Variants in RASGEF1C observed in about 807,000 individuals in gnomAD.
The protein encoded by RASGEF1C is ras-GEF domain-containing family member 1C.
A neutral mutation model predicts 58.1 loss-of-function variants in RASGEF1C; 27 were observed. The ratio of observed to expected loss-of-function variants is 0.46; its 90% CI spans 0.34 to 0.64. RASGEF1C has a LOEUF of 0.64. Among genes scored for constraint, RASGEF1C ranks in the 30% least tolerant of loss-of-function variants. RASGEF1C has a pLI of 0.01. For missense variants in RASGEF1C, 502 were observed against 605.1 expected, an observed-to-expected ratio of 0.83 and a Z score of 1.79; for synonymous variants, 243 against 246.3, an observed-to-expected ratio of 0.99 and a Z score of 0.13.
rs748536339 is a variant in RASGEF1C at position 180,137,990 on chromosome 5, G to T, written c.63C>A (p.Thr21=). 6.3e-7 allele frequency: 1 copy of T among 1,584,358 alleles called. No individual in the cohort carries two copies. The highest frequency in any genetic ancestry group is 1.9e-5 in the Admixed American group (1 of 51,824). The change falls in exon 2 of 14, where the codon ACC becomes ACA. Residue 21 remains threonine (T), a synonymous_variant. Transcript: ENST00000361132. This position sits in a 1 kb window ranked among gnomAD's most constrained non-coding sequence, Gnocchi z 4.1. ...VTPGSLSPPP[T]EPTDGEQAGQ... The stretch of plus-strand genomic sequence containing the variant: ...CAGCCTGTTCGCCATCTGTGGGCTC[G>T]GTGGGGGGTGGGCTGAGGCTGCCTG...
chr5:180,129,888 G>C (rs1378612909), intron 4 of RASGEF1C, among the ~76,000 whole-genome samples: 1 of 152,230 alleles, frequency 6.6e-6, no homozygotes, highest in Non-Finnish European at 1.5e-5. Context: ...CTTGGAAATA[G>C]GGGTTTCCGA....
rs1766882341 is a variant in RASGEF1C, at chr5:180,158,311, T to A, written c.-6-20253A>T. 6.6e-6 allele frequency among the ~76,000 whole-genome samples: 1 copy of A among 152,162 alleles called. No individual in the cohort carries two copies. The highest frequency in any genetic ancestry group is 1.5e-5 in the Non-Finnish European group (1 of 68,026). On this transcript the variant is annotated intron_variant, in intron 1 of 13. Coordinates refer to ENST00000361132, the MANE Select transcript of RASGEF1C (RefSeq NM_175062.4). The surrounding 1 kb of genome is among the most constrained non-coding windows in gnomAD (Gnocchi z 4.0). ...TTCTCCTTTATGTGTTGGGCTCCCGTCTCCTGTATTTAAAGTCTTCTTTCT... is the reference window on the plus strand; with the variant it reads ...TTCTCCTTTATGTGTTGGGCTCCCGACTCCTGTATTTAAAGTCTTCTTTCT...
chr5:180,203,783 C>A (rs1756440618), intron 1 of RASGEF1C, among the ~76,000 whole-genome samples: 1 of 152,138 alleles, frequency 6.6e-6, no homozygotes, highest in African/African-American at 2.4e-5. Flanking sequence ...TCACTTGAGG[C>A]CAGGAGTTCG....
At chr5:180,147,081 CA>C (rs1216417728) in intron 1 of RASGEF1C, among the ~76,000 whole-genome samples, 1 of 151,722 alleles carries the variant, frequency 6.6e-6, no homozygotes, top group African/African-American at 2.4e-5. Context: ...TTCAAATTTC[CA>C]ATTTGTTGGC....
In RASGEF1C at chr5:180,118,762, C is replaced by G. The variant is rs562013738; in HGVS notation, c.987+25G>C. 35 of 1,614,052 alleles carry G rather than the reference C, an allele frequency of 2.2e-5. No individual in the cohort carries two copies. In the East Asian group the frequency reaches 7.1e-4, roughly 33 times the overall value. On this transcript the variant is annotated intron_variant, in intron 9 of 13. Coordinates refer to ENST00000361132, the MANE Select transcript of RASGEF1C (RefSeq NM_175062.4). ...CTGTCCAGGGGATGGCCGGAGGCAC[C>G]CGGCAGCCCAGCAGCCTCATTTACC...
At chr5:180,200,476 AT>A (rs1196806775) in intron 1 of RASGEF1C, among the ~76,000 whole-genome samples, 4 of 149,614 alleles carry the variant, frequency 2.7e-5, no homozygotes, top group Admixed American at 6.6e-5. Context: ...CGCCAGGCTA[AT>A]TTTTTTTTGG....
rs1756312532 is a variant in RASGEF1C, at chr5:180,198,098, G to T, written c.-7+10930C>A. On this transcript the variant is annotated intron_variant, in intron 1 of 13. Transcript: ENST00000361132. The surrounding 1 kb of genome is among the most constrained non-coding windows in gnomAD (Gnocchi z 4.5). ...GAGTCTGTAGGACGCTTCCTGGACA[G>T]GCTTATGGGGCGTGGCAGTTTGGGG... Among the ~76,000 whole-genome samples the T allele has an allele frequency of 6.6e-6, 1 of 152,212 alleles. No homozygotes were observed. Among genetic ancestry groups the T allele is most frequent in the Admixed American group, 6.5e-5 (1 of 15,286 alleles).
rs73810998 is a variant in RASGEF1C at position 180,119,466 on chromosome 5, G to C, written c.805-18C>G. 7,736 of 1,599,196 alleles carry C rather than the reference G, an allele frequency of 4.8e-3. 338 individuals carry two copies. The African/African-American group carries it at 0.091, about 19-fold the overall frequency. On this transcript the variant is annotated intron_variant, in intron 7 of 13. Coordinates refer to ENST00000361132, the MANE Select transcript of RASGEF1C (RefSeq NM_175062.4). ...TTGGCTGGCTGGGGACAGGGCAGCAGAGCCTCAGTGGTGACACGCCTCCAC... is the reference window on the plus strand; with the variant it reads ...TTGGCTGGCTGGGGACAGGGCAGCACAGCCTCAGTGGTGACACGCCTCCAC...
chr5:180,110,760 C>T (rs772542978), intron 12 of RASGEF1C, among the ~76,000 whole-genome samples: 105 of 152,262 alleles, frequency 6.9e-4, no homozygotes, highest in Non-Finnish European at 2.5e-4. Context: ...CACACGTACA[C>T]GCCTACACAG....
Position 180,136,501 on chromosome 5 carries a change from C to T in RASGEF1C, c.315G>A (p.Lys105=). The T allele has an allele frequency of 6.4e-7, 1 of 1,570,646 alleles. No homozygotes were observed. The highest frequency in any genetic ancestry group is 1.2e-5 in the South Asian group (1 of 85,790). ...ACAGCTGCAGCAGTTTGGGGCCGAA[C>T]TTCCGGACCCGGGCCTACGGGCAAG... ...KPVLDKARVR[K]FGPKLLQLLA... The change falls in exon 4 of 14, where the codon AAG becomes AAA. Residue 105 remains lysine (K), a synonymous_variant. Coordinates refer to ENST00000361132, the MANE Select transcript of RASGEF1C (RefSeq NM_175062.4).
chr5:180,191,567 A>G (rs946874298), intron 1 of RASGEF1C, among the ~76,000 whole-genome samples: 3 of 152,158 alleles, frequency 2.0e-5, no homozygotes, highest in Non-Finnish European at 2.9e-5. Flanking sequence ...CGTGTTAGCC[A>G]GGATGGTCTC....
At chr5:180,153,943 T>G (rs1465008245) in intron 1 of RASGEF1C, among the ~76,000 whole-genome samples, 8 of 152,034 alleles carry the variant, frequency 5.3e-5, no homozygotes, top group Admixed American at 5.2e-4. Context: ...AAATGTTGGT[T>G]TGTTGGGAGG....
chr5:180,170,741 C>T (rs997635624), intron 1 of RASGEF1C, among the ~76,000 whole-genome samples: 4 of 152,258 alleles, frequency 2.6e-5, no homozygotes, highest in African/African-American at 9.6e-5. Flanking sequence ...CCCTCCCGGG[C>T]CTGCCTGCCT....
intron 1 of RASGEF1C, among the ~76,000 whole-genome samples, chr5:180,190,402 G>A (rs7716310): frequency 0.36 from 53,844 of 147,604 alleles, 10,418 homozygotes; most frequent in Middle Eastern, 0.55. Flanking sequence ...AGGCAGGAGA[G>A]TGGCGTGAAC....
chr5:180,205,347 C>T (rs1306457303), intron 1 of RASGEF1C, among the ~76,000 whole-genome samples: 1 of 151,956 alleles, frequency 6.6e-6, no homozygotes, highest in Non-Finnish European at 1.5e-5. Context: ...TAGCAACACA[C>T]AAGATAAAAA....
chr5:180,165,687 C>A (rs1767010377), intron 1 of RASGEF1C, among the ~76,000 whole-genome samples: 2 of 141,974 alleles, frequency 1.4e-5, no homozygotes, highest in South Asian at 2.3e-4. Flanking sequence ...AAAAAAAATT[C>A]TTGTTCCCCT....
In RASGEF1C at chr5:180,197,787, GGCAC is replaced by G. The variant is rs1372963065; in HGVS notation, c.-7+11237_-7+11240del. ...TTACTATGTATTATTTAGCCAGATTGGCACTTTTGAACACTGTCTGGATTTTAAA... is the reference window on the plus strand; with the variant it reads ...TTACTATGTATTATTTAGCCAGATTGTTTTGAACACTGTCTGGATTTTAAA... On this transcript the variant is annotated intron_variant, in intron 1 of 13. Transcript: ENST00000361132. This position sits in a 1 kb window ranked among gnomAD's most constrained non-coding sequence, Gnocchi z 4.7. 5.9e-5 allele frequency among the ~76,000 whole-genome samples: 9 copies of G among 152,190 alleles called. No individual in the cohort carries two copies. Among genetic ancestry groups the G allele is most frequent in the Admixed American group, 2.6e-4 (4 of 15,264 alleles).
At chr5:180,152,317 T>A (rs914271422) in intron 1 of RASGEF1C, among the ~76,000 whole-genome samples, 26 of 152,266 alleles carry the variant, frequency 1.7e-4, no homozygotes, top group African/African-American at 5.3e-4. Context: ...CCAACCCAAA[T>A]GTCCAACAAT....
At position 180,174,618 on chromosome 5, in the gene RASGEF1C, C is replaced by G. The variant is rs4700905; in HGVS notation, c.-7+34410G>C. The stretch of plus-strand genomic sequence containing the variant: ...TGTGTGTGTGCACGCATGTGTGTGT[C>G]TGTGTGTGTGTGTGTGTGTGCGTGC... On this transcript the variant is annotated intron_variant, in intron 1 of 13. Coordinates refer to ENST00000361132, the MANE Select transcript of RASGEF1C (RefSeq NM_175062.4). Among the ~76,000 whole-genome samples, 124 of 12,672 alleles carry G rather than the reference C, an allele frequency of 9.8e-3. 1 individual carries two copies. Among genetic ancestry groups the G allele is most frequent in the South Asian group, 0.023 (8 of 346 alleles). The allele number at this position is 12,672 out of a possible 152,430, so 8.3% of individuals were successfully genotyped here.
Sources: allele counts gnomAD v4.1 joint callset (sites outside exome capture counted in the v4.1 genomes callset), GRCh38; gene constraint gnomAD v4.1.1; non-coding constraint Gnocchi (gnomAD v3.1); transcripts MANE v1.5; gene names NCBI Gene and HGNC (gene_info 2026-07-23, HGNC 2026-07-21).